Variants in CDH2 observed in about 807,000 individuals in gnomAD.
CDH2 encodes cadherin-2.
Under a neutral mutation model 92.0 loss-of-function variants are expected in CDH2, and 17 were observed. The ratio of observed to expected loss-of-function variants is 0.18; its 90% CI spans 0.13 to 0.28. The LOEUF is 0.28. CDH2 is among the 10% of genes least tolerant of loss of function. The pLI, the probability that CDH2 is intolerant of heterozygous loss-of-function variation, is 1.00. For synonymous variants in CDH2, 419 were observed against 415.9 expected (o/e 1.01, Z -0.09); for missense variants, 862 against 1,133.1 (o/e 0.76, Z 3.44).
chr18:28,048,590 C>T (rs977979481), intron 2 of CDH2, among the ~76,000 whole-genome samples: 10 of 152,112 alleles, frequency 6.6e-5, no homozygotes, highest in Admixed American at 6.5e-4. Context: ...TTTGGCATTT[C>T]GTCAGGACTA....
In CDH2 at chr18:28,157,540, CG is replaced by C. The variant is rs34264621; in HGVS notation, c.61-9757del. 4.0e-3 allele frequency among the ~76,000 whole-genome samples: 616 copies of C among 152,184 alleles called. 3 individuals are homozygous for C. The highest frequency in any genetic ancestry group is 0.023 in the South Asian group (113 of 4,826). Reference sequence around the variant, plus strand: ...GTCAATTTAGGGACACTATTCAAACCGGCATCAAAAGGCCTTGGGGATTACC... The same window carrying C: ...GTCAATTTAGGGACACTATTCAAACCGCATCAAAAGGCCTTGGGGATTACC... On this transcript the variant is annotated intron_variant, in intron 1 of 15. Coordinates refer to ENST00000269141, the MANE Select transcript of CDH2 (RefSeq NM_001792.5).
rs1020592723 is a variant in CDH2 at position 28,166,170 on chromosome 18, A to ATATATATATATATATATATATATG, written c.60+10792_60+10793insCATATATATATATATATATATATA. 3.6e-4 allele frequency among the ~76,000 whole-genome samples: 49 copies of ATATATATATATATATATATATATG among 136,032 alleles called. 1 individual carries two copies. Among genetic ancestry groups the ATATATATATATATATATATATATG allele is most frequent in the African/African-American group, 1.4e-3 (49 of 34,794 alleles). The allele number at this position is 136,032 out of a possible 152,430, so 89.2% of individuals were successfully genotyped here. On this transcript the variant is annotated intron_variant, in intron 1 of 15. Coordinates refer to ENST00000269141, the MANE Select transcript of CDH2 (RefSeq NM_001792.5). The stretch of plus-strand genomic sequence containing the variant: ...CACTCATATATATATATATATATAT[A>ATATATATATATATATATATATATG]TATGTCTGTATTTTAATTATGAAGA...
At chr18:27,935,808 T>C (rs1432755363) in intron 6 of CDH2, among the ~76,000 whole-genome samples, 2 of 152,248 alleles carry the variant, frequency 1.3e-5, no homozygotes, top group Non-Finnish European at 2.9e-5. Flanking sequence ...TAAAGTACAA[T>C]GTGAAATACA....
At chr18:27,953,136 A>G (rs1909545345) in intron 15 of CDH2, among the ~76,000 whole-genome samples, 1 of 152,164 alleles carries the variant, frequency 6.6e-6, no homozygotes, top group Admixed American at 6.6e-5. Flanking sequence ...AAATCCTAGA[A>G]ATGTCATAAT....
chr18:28,069,323 C>A (rs1387550909), intron 2 of CDH2, among the ~76,000 whole-genome samples: 1 of 152,134 alleles, frequency 6.6e-6, no homozygotes, highest in Non-Finnish European at 1.5e-5. Flanking sequence ...TATGATTATT[C>A]TGTAAGTGGA....
chr18:27,963,366 G>A lies in CDH2; in HGVS notation c.2505C>T (p.Phe835=). The change falls in exon 15 of 16, where the codon TTC becomes TTT. Residue 835 remains phenylalanine (F), a synonymous_variant. Transcript: ENST00000269141. ...AAPHPGDIGD[F]INEGLKAADN... ...GAGTGTCTCTCTGTACCTCATTAAT[G>A]AAGTCCCCAATGTCTCCAGGGTGTG... 6.2e-7 allele frequency: 1 copy of A among 1,613,958 alleles called. No homozygotes were observed. Among genetic ancestry groups the A allele is most frequent in the Non-Finnish European group, 8.5e-7 (1 of 1,179,972 alleles).
chr18:27,952,658 T>A (rs1484372351), intron 15 of CDH2, among the ~76,000 whole-genome samples: 1 of 152,090 alleles, frequency 6.6e-6, no homozygotes, highest in African/African-American at 2.4e-5. Flanking sequence ...CAGAAATGAA[T>A]GGCCCTGCTT....
intron 2 of CDH2, among the ~76,000 whole-genome samples, chr18:28,091,682 A>G (rs1015114867): frequency 6.6e-6 from 1 of 152,230 alleles, no homozygotes; most frequent in African/African-American, 2.4e-5. Flanking sequence ...TAAAATACCA[A>G]TGGCTTTGGG....
chr18:28,175,304 G>C (rs943292741), intron 1 of CDH2, among the ~76,000 whole-genome samples: 4 of 152,226 alleles, frequency 2.6e-5, no homozygotes, highest in African/African-American at 9.6e-5. Context: ...CGAGTCAGGA[G>C]AGAGCCGAGT....
At chr18:27,959,142 G>A (rs1422950489) in intron 15 of CDH2, among the ~76,000 whole-genome samples, 1 of 152,112 alleles carries the variant, frequency 6.6e-6, no homozygotes, top group Admixed American at 6.6e-5. Flanking sequence ...TAACTGTTGG[G>A]CTGAGATTAA....
At chr18:28,116,950 G>A (rs937972590) in intron 2 of CDH2, among the ~76,000 whole-genome samples, 29 of 152,048 alleles carry the variant, frequency 1.9e-4, no homozygotes, top group East Asian at 7.7e-4. Context: ...TTTTGTAGGC[G>A]GAGTAGGGTT....
At chr18:28,085,570 G>A (rs2014911204) in intron 2 of CDH2, among the ~76,000 whole-genome samples, 2 of 152,072 alleles carry the variant, frequency 1.3e-5, no homozygotes, top group South Asian at 2.1e-4. Flanking sequence ...CCCCACTGTT[G>A]ACTGCTACAT....
At chr18:28,012,862 T>A (rs2013138577) in intron 3 of CDH2, among the ~76,000 whole-genome samples, 1 of 152,180 alleles carries the variant, frequency 6.6e-6, no homozygotes, top group Non-Finnish European at 1.5e-5. Context: ...ATATCACATT[T>A]ACAATTAAAT....
At chr18:28,053,542 G>C (rs2014234093) in intron 2 of CDH2, among the ~76,000 whole-genome samples, 1 of 152,074 alleles carries the variant, frequency 6.6e-6, no homozygotes, top group South Asian at 2.1e-4. Context: ...CTGAGTTTTG[G>C]TTAGTTACAG....
intron 2 of CDH2, among the ~76,000 whole-genome samples, chr18:28,102,137 T>G (rs1391215116): frequency 2.0e-5 from 3 of 152,162 alleles, no homozygotes; most frequent in African/African-American, 7.2e-5. Context: ...ACTTTTCCAG[T>G]TAGAAGACAG....
chr18:28,030,831 A>G (rs1276708720), intron 2 of CDH2, among the ~76,000 whole-genome samples: 1 of 152,060 alleles, frequency 6.6e-6, no homozygotes, highest in East Asian at 1.9e-4. Context: ...AAGAAAGCCA[A>G]CAAAAAAATC....
chr18:28,020,479 C>T (rs1445738209), intron 2 of CDH2, among the ~76,000 whole-genome samples: 1 of 151,912 alleles, frequency 6.6e-6, no homozygotes, highest in Non-Finnish European at 1.5e-5. Context: ...ATATCATGGA[C>T]ATTTGACTGC....
chr18:27,952,904 T>C (rs1294676243), intron 15 of CDH2, among the ~76,000 whole-genome samples: 1 of 151,970 alleles, frequency 6.6e-6, no homozygotes, highest in Non-Finnish European at 1.5e-5. Flanking sequence ...GGGAAAAAAA[T>C]TCACATCAGC....
At chr18:28,071,049 G>A (rs1302576465) in intron 2 of CDH2, among the ~76,000 whole-genome samples, 1 of 151,872 alleles carries the variant, frequency 6.6e-6, no homozygotes, top group African/African-American at 2.4e-5. Context: ...TGATAATTTG[G>A]GGAAAGAATG....
Sources: gnomAD v4.1 joint callset for allele counts (sites outside exome capture counted in the v4.1 genomes callset) on GRCh38, gnomAD v4.1.1 for gene constraint, MANE v1.5 for transcripts, NCBI Gene and HGNC (gene_info 2026-07-23, HGNC 2026-07-21) for gene names.